FOCAD: variants seen among roughly 807,000 people sequenced by gnomAD.
FOCAD encodes KIAA1797.
FOCAD carries 198 observed loss-of-function variants against 225.6 expected under a neutral mutation model. The ratio of observed to expected loss-of-function variants is 0.88; its 90% CI spans 0.78 to 0.99. FOCAD has a LOEUF of 0.99. Among genes scored for constraint, FOCAD ranks in the 50% least tolerant of loss-of-function variants. The pLI is 0.00. For synonymous variants in FOCAD, 897 were observed against 755.0 expected, an observed-to-expected ratio of 1.19 and a Z score of -3.08; for missense variants, 2,713 against 2,123.6, an observed-to-expected ratio of 1.28 and a Z score of -5.46.
At chr9:20,701,660 T>G (rs930325428) in intron 1 of FOCAD, among the ~76,000 whole-genome samples, 3 of 152,226 alleles carry the variant, frequency 2.0e-5, no homozygotes, top group Admixed American at 6.5e-5. Flanking sequence ...AATAAAGGCA[T>G]ATAACCAAAG....
Position 20,781,791 on chromosome 9 carries a change from G to A in FOCAD, c.1059G>A (p.Met353Ile). The stretch of plus-strand genomic sequence containing the variant: ...CAAAGTCCTCTCTGCTGCTAGTGAT[G>A]CCAATTCTGCAGATACTATCTTCTA... The part of the protein sequence containing the change: ...KIPKSSLLLV[M>I]PILQILSSTA... Residue 353 changes from methionine to isoleucine, a missense_variant, in exon 10 of 44, where the codon ATG becomes ATA. Coordinates refer to ENST00000338382, the MANE Select transcript of FOCAD (RefSeq NM_001375567.1). 1.9e-6 allele frequency: 3 copies of A among 1,614,084 alleles called. No individual in the cohort carries two copies. In the South Asian group the frequency reaches 3.3e-5, roughly 18 times the overall value.
At chr9:20,981,782 G>C in intron 38 of FOCAD, 96 bp downstream of exon 38, 1 of 1,340,938 alleles carries the variant, frequency 7.5e-7, no homozygotes, top group Non-Finnish European at 1.0e-6. Context: ...TTAAGAATGT[G>C]GGTGGGAAGG....
intron 22 of FOCAD, 80 bp from the exon 23 acceptor site, chr9:20,912,786 A>G (rs1833544352): frequency 1.1e-5 from 12 of 1,112,602 alleles, no homozygotes; most frequent in Non-Finnish European, 9.6e-6. Context: ...GGAAAAGGAT[A>G]TATCTGTGTT....
Position 20,949,113 on chromosome 9 carries a change from G to C in FOCAD, c.3876+185G>C, listed in dbSNP as rs28404793. On this transcript the variant is annotated intron_variant, in intron 32 of 43. Transcript: ENST00000338382. ...CTTAACCAAGGATTATTTCTATAGAGGTTTGTTCTTTATTTAATTTGGTTT... is the reference window on the plus strand; with the variant it reads ...CTTAACCAAGGATTATTTCTATAGACGTTTGTTCTTTATTTAATTTGGTTT... Among the ~76,000 whole-genome samples the C allele has an allele frequency of 3.2e-3, 492 of 152,216 alleles. 3 individuals carry two copies. Among genetic ancestry groups the C allele is most frequent in the African/African-American group, 0.012 (479 of 41,542 alleles).
chr9:20,770,267 A>T, intron 8 of FOCAD, 29 bp downstream of exon 8: 1 of 1,559,724 alleles, frequency 6.4e-7, no homozygotes, highest in East Asian at 2.3e-5. Context: ...TATACTGTTC[A>T]TGCATTGCTA....
chr9:20,866,863 C>T, intron 17 of FOCAD, 66 bp from the exon 18 acceptor site: 1 of 754,114 alleles, frequency 1.3e-6, no homozygotes. Context: ...ATGTTTAATG[C>T]ATGTTGTGTT....
intron 35 of FOCAD, among the ~76,000 whole-genome samples, chr9:20,966,634 T>C (rs539614999): frequency 1.0e-3 from 152 of 152,262 alleles, no homozygotes; most frequent in Non-Finnish European, 1.7e-3. Flanking sequence ...TTCTAGGAGT[T>C]TGATTGGTTT....
intron 11 of FOCAD, among the ~76,000 whole-genome samples, chr9:20,808,287 A>G (rs1355664967): frequency 6.6e-6 from 1 of 152,150 alleles, no homozygotes; most frequent in Non-Finnish European, 1.5e-5. Flanking sequence ...AGTTATTGGT[A>G]AGTTCAGTTC....
At chr9:20,770,827 T>A (rs1206872979) in intron 8 of FOCAD, among the ~76,000 whole-genome samples, 1 of 152,196 alleles carries the variant, frequency 6.6e-6, no homozygotes, top group Non-Finnish European at 1.5e-5. Flanking sequence ...AAGAAATCAT[T>A]AAAATACTCT....
chr9:20,839,694 T>G (rs1412448556), intron 15 of FOCAD, among the ~76,000 whole-genome samples: 1 of 152,080 alleles, frequency 6.6e-6, no homozygotes, highest in Non-Finnish European at 1.5e-5. Context: ...TGTATATAGT[T>G]AAGGGGTACA....
At chr9:20,892,010 T>G (rs1831657669) in intron 21 of FOCAD, among the ~76,000 whole-genome samples, 1 of 152,178 alleles carries the variant, frequency 6.6e-6, no homozygotes, top group African/African-American at 2.4e-5. Flanking sequence ...TCTAAAGAAT[T>G]ACGCTGAATC....
At chr9:20,812,927 T>C (rs1213055846) in intron 11 of FOCAD, among the ~76,000 whole-genome samples, 5 of 152,098 alleles carry the variant, frequency 3.3e-5, no homozygotes, top group Non-Finnish European at 5.9e-5. Context: ...CTGTACAGTA[T>C]TGTTAAGTAT....
intron 5 of FOCAD, among the ~76,000 whole-genome samples, chr9:20,756,003 C>T (rs957678695): frequency 6.6e-5 from 10 of 152,066 alleles, no homozygotes; most frequent in Non-Finnish European, 1.3e-4. Context: ...AACTTTCAAT[C>T]TAAGAATTTC....
chr9:20,750,624 T>A (rs1219750622), intron 5 of FOCAD, among the ~76,000 whole-genome samples: 1 of 152,134 alleles, frequency 6.6e-6, no homozygotes, highest in Non-Finnish European at 1.5e-5. Flanking sequence ...TTAGAAATAA[T>A]ACAATTCTCT....
intron 25 of FOCAD, among the ~76,000 whole-genome samples, chr9:20,925,121 T>C (rs1281182025): frequency 6.6e-6 from 1 of 152,110 alleles, no homozygotes. Context: ...ATGATATTAG[T>C]TAATTACCTT....
chr9:20,967,933 T>G (rs1395492912), intron 35 of FOCAD, among the ~76,000 whole-genome samples: 1 of 152,166 alleles, frequency 6.6e-6, no homozygotes, highest in African/African-American at 2.4e-5. Flanking sequence ...TGGTTTTCCT[T>G]TTTTATGATG....
intron 6 of FOCAD, among the ~76,000 whole-genome samples, 156 bp from the exon 7 acceptor site, chr9:20,764,713 G>A (rs145106390): frequency 1.3e-5 from 2 of 152,198 alleles, no homozygotes; most frequent in African/African-American, 4.8e-5. Flanking sequence ...ATAGATGTAG[G>A]CAGGTCATAG....
At chr9:20,837,156 A>G (rs1826069462) in intron 15 of FOCAD, among the ~76,000 whole-genome samples, 1 of 151,910 alleles carries the variant, frequency 6.6e-6, no homozygotes, top group Non-Finnish European at 1.5e-5. Context: ...ATTTTTATCC[A>G]TTTTGGGGGT....
At position 20,778,700 on chromosome 9, in the gene FOCAD, T is replaced by G. The variant is rs761976043; in HGVS notation, c.926T>G (p.Val309Gly). ...TTTTAGGATTTTCCTGTTGAACTGG[T>G]CATAATTGGAATAGCTTTACTACTT... Reference protein sequence around the residue: ...LLKEDFPVELVIIGIALLLLQ... With the variant: ...LLKEDFPVELGIIGIALLLLQ... The change falls in exon 9 of 44, where the codon GTC becomes GGC. Residue 309 changes from valine (V) to glycine (G), a missense_variant. Coordinates refer to ENST00000338382, the MANE Select transcript of FOCAD (RefSeq NM_001375567.1). 4 of 1,610,612 alleles carry G rather than the reference T, an allele frequency of 2.5e-6. No homozygotes were observed. The highest frequency in any genetic ancestry group is 3.4e-6 in the Non-Finnish European group (4 of 1,177,320).
Sources: allele counts gnomAD v4.1 joint callset (sites outside exome capture counted in the v4.1 genomes callset), GRCh38; gene constraint gnomAD v4.1.1; transcripts MANE v1.5; gene names NCBI Gene and HGNC (gene_info 2026-07-23, HGNC 2026-07-21).